TMCO4: variants seen among roughly 807,000 people sequenced by gnomAD.
TMCO4 encodes the protein transmembrane and coiled-coil domain-containing protein 4.
A neutral mutation model predicts 64.7 loss-of-function variants in TMCO4; 58 were observed. That is an observed-to-expected ratio of 0.90 (90% confidence interval 0.73 to 1.12). TMCO4 has a LOEUF of 1.12. TMCO4 is among the 50% of genes most tolerant of loss of function. The pLI is 0.00. For synonymous variants in TMCO4, 325 were observed against 346.1 expected (o/e 0.94, Z 0.68); for missense variants, 780 against 825.9 (o/e 0.94, Z 0.68).
chr1:19,698,114 G>A (rs766065914), intron 14 of TMCO4, among the ~76,000 whole-genome samples: 3 of 152,216 alleles, frequency 2.0e-5, no homozygotes, highest in Non-Finnish European at 4.4e-5. Flanking sequence ...TCCAGCCAAT[G>A]CTGATGTGCA....
intron 13 of TMCO4, among the ~76,000 whole-genome samples, chr1:19,717,942 A>G (rs2095364061): frequency 6.6e-6 from 1 of 152,214 alleles, no homozygotes; most frequent in Non-Finnish European, 1.5e-5. Flanking sequence ...AATGGTTTAG[A>G]CATACATGAA....
In TMCO4 at chr1:19,737,283, T is replaced by A. The variant is rs1448741673; in HGVS notation, c.1264+89A>T. ...ATTTCTAAGAACTGGGAACACATTT[T>A]GCAAGGCTCATGGCCCCTGGCCCAG... On this transcript the variant is annotated intron_variant, in intron 13 of 15. Coordinates refer to ENST00000294543, the MANE Select transcript of TMCO4 (RefSeq NM_181719.7). 3.1e-6 allele frequency: 4 copies of A among 1,310,856 alleles called. No individual in the cohort carries two copies. In the Admixed American group the frequency reaches 6.4e-5, roughly 21 times the overall value. 81.2% of individuals were successfully genotyped at this position (1,310,856 alleles called of 1,614,324 possible).
At chr1:19,716,762 T>C (rs2095358698) in intron 13 of TMCO4, among the ~76,000 whole-genome samples, 1 of 152,132 alleles carries the variant, frequency 6.6e-6, no homozygotes, top group Non-Finnish European at 1.5e-5. Flanking sequence ...GAGACACCAC[T>C]TGCAAAGGGC....
At chr1:19,776,442 T>C (rs6666345) in intron 4 of TMCO4, among the ~76,000 whole-genome samples, 14,078 of 152,238 alleles carry the variant, frequency 0.092, 817 homozygotes, top group Non-Finnish European at 0.13. Context: ...GCGCCTAGTA[T>C]GGGCCTGGCA....
chr1:19,716,381 C>CTTT (rs1262772167), intron 13 of TMCO4, among the ~76,000 whole-genome samples: 96 of 124,470 alleles, frequency 7.7e-4, no homozygotes, highest in African/African-American at 2.3e-3. Context: ...TTTTTTCTTT[C>CTTT]TTTTTTTTTT....
At chr1:19,771,635 A>G (rs1557600793) in intron 4 of TMCO4, among the ~76,000 whole-genome samples, 153 bp from the exon 5 acceptor site, 1 of 152,142 alleles carries the variant, frequency 6.6e-6, no homozygotes, top group Non-Finnish European at 1.5e-5. Flanking sequence ...CAAAGACCTC[A>G]TCTTGGGTGA....
chr1:19,764,077 G>T (rs2100987479), intron 6 of TMCO4, among the ~76,000 whole-genome samples: 1 of 152,346 alleles, frequency 6.6e-6, no homozygotes, highest in East Asian at 1.9e-4. Context: ...CCACCTTCTT[G>T]GATGTAGGAT....
intron 13 of TMCO4, among the ~76,000 whole-genome samples, chr1:19,724,747 T>C (rs2095401248): frequency 6.6e-6 from 1 of 152,092 alleles, no homozygotes; most frequent in African/African-American, 2.4e-5. Context: ...CTAAGTTCAG[T>C]GCTCCTTCTT....
intron 4 of TMCO4, among the ~76,000 whole-genome samples, chr1:19,776,756 G>A (rs139279630): frequency 1.3e-5 from 2 of 152,042 alleles, no homozygotes; most frequent in East Asian, 1.9e-4. Context: ...AGGCGGCCGC[G>A]GTGGCTCACG....
At chr1:19,725,782 C>A (rs1194246470) in intron 13 of TMCO4, among the ~76,000 whole-genome samples, 5 of 152,158 alleles carry the variant, frequency 3.3e-5, no homozygotes, top group Non-Finnish European at 4.4e-5. Context: ...TTTGAGTGGG[C>A]AGAGTCGTTA....
At chr1:19,707,772 A>G (rs1246804644) in intron 13 of TMCO4, among the ~76,000 whole-genome samples, 2 of 152,198 alleles carry the variant, frequency 1.3e-5, no homozygotes, top group African/African-American at 4.8e-5. Flanking sequence ...AGAGAGGTTT[A>G]ATTGACTCAC....
At chr1:19,744,969 C>A (rs1332883004) in intron 10 of TMCO4, among the ~76,000 whole-genome samples, 5 of 151,990 alleles carry the variant, frequency 3.3e-5, no homozygotes, top group Non-Finnish European at 4.4e-5. Context: ...TTTATAAATA[C>A]CGCTACATGG....
intron 2 of TMCO4, among the ~76,000 whole-genome samples, chr1:19,794,853 T>G (rs1360089473): frequency 2.0e-5 from 3 of 152,190 alleles, no homozygotes; most frequent in African/African-American, 4.8e-5. Flanking sequence ...ACAACACGAA[T>G]GAACCTTGAA....
chr1:19,701,112 C>T (rs1209592466), intron 13 of TMCO4: 1 of 458,276 alleles, frequency 2.2e-6, no homozygotes, highest in East Asian at 3.9e-5. Flanking sequence ...AATCAAGCCT[C>T]TTATATGTCT....
intron 6 of TMCO4, among the ~76,000 whole-genome samples, chr1:19,756,933 T>C (rs1295267599): frequency 6.6e-6 from 1 of 152,078 alleles, no homozygotes; most frequent in East Asian, 1.9e-4. Flanking sequence ...TTTTAATGCA[T>C]AGAAGAGTGA....
chr1:19,742,154 C>T (rs1406500510), intron 10 of TMCO4, among the ~76,000 whole-genome samples: 1 of 152,176 alleles, frequency 6.6e-6, no homozygotes, highest in Non-Finnish European at 1.5e-5. Context: ...AGATTCCAGT[C>T]CAATCGCCTC....
intron 15 of TMCO4, among the ~76,000 whole-genome samples, chr1:19,692,575 C>CAAAAAAA (rs532713684): frequency 1.6e-5 from 1 of 63,952 alleles, no homozygotes; most frequent in African/African-American, 4.0e-5. Flanking sequence ...ATTAAAAATA[C>CAAAAAAA]AAAAAAAAAA....
intron 13 of TMCO4, among the ~76,000 whole-genome samples, chr1:19,727,755 G>C (rs1413751637): frequency 6.6e-6 from 1 of 152,204 alleles, no homozygotes; most frequent in Non-Finnish European, 1.5e-5. Context: ...ACATACATCT[G>C]TATGTTCACT....
intron 15 of TMCO4, among the ~76,000 whole-genome samples, chr1:19,693,145 C>A (rs1175848508): frequency 8.6e-6 from 1 of 116,044 alleles, no homozygotes; most frequent in Non-Finnish European, 1.7e-5. Flanking sequence ...TGCACTCCAG[C>A]CTGAGCGAGA....
Sources: allele counts gnomAD v4.1 joint callset (sites outside exome capture counted in the v4.1 genomes callset), GRCh38; gene constraint gnomAD v4.1.1; transcripts MANE v1.5; gene names NCBI Gene and HGNC (gene_info 2026-07-23, HGNC 2026-07-21).